Variants in L3MBTL4 observed in about 807,000 individuals in gnomAD.
L3MBTL4 encodes the protein L3MBTL histone methyl-lysine binding protein 4, also known as lethal(3)malignant brain tumor-like protein 4.
Under a neutral mutation model 84.5 loss-of-function variants are expected in L3MBTL4, and 70 were observed. The ratio of observed to expected loss-of-function variants is 0.83; its 90% CI spans 0.68 to 1.01. L3MBTL4 has a LOEUF of 1.01. L3MBTL4 is among the 50% of genes least tolerant of loss of function. The pLI is 0.00. For missense variants in L3MBTL4, 715 were observed against 754.8 expected, an observed-to-expected ratio of 0.95 and a Z score of 0.62; for synonymous variants, 274 against 259.8, an observed-to-expected ratio of 1.05 and a Z score of -0.52.
intron 1 of L3MBTL4, among the ~76,000 whole-genome samples, chr18:6,336,325 A>G (rs1331153756): frequency 6.6e-6 from 1 of 152,206 alleles, no homozygotes; most frequent in Non-Finnish European, 1.5e-5. Context: ...ACACAGGTAA[A>G]GGACCATGGC....
At chr18:6,218,247 G>A (rs1323229203) in intron 10 of L3MBTL4, among the ~76,000 whole-genome samples, 1 of 152,160 alleles carries the variant, frequency 6.6e-6, no homozygotes, top group Non-Finnish European at 1.5e-5. Flanking sequence ...CTTCTGAGTA[G>A]CTGGGACTAC....
At chr18:5,965,350 A>G (rs2052295171) in intron 17 of L3MBTL4, among the ~76,000 whole-genome samples, 1 of 152,198 alleles carries the variant, frequency 6.6e-6, no homozygotes, top group Non-Finnish European at 1.5e-5. Flanking sequence ...CCAGGCCAGG[A>G]AGGCAGATAA....
chr18:6,200,319 G>T (rs2045597390), intron 12 of L3MBTL4, among the ~76,000 whole-genome samples: 1 of 152,152 alleles, frequency 6.6e-6, no homozygotes, highest in Non-Finnish European at 1.5e-5. Flanking sequence ...GTCATTGTGG[G>T]CACACGCTGT....
intron 12 of L3MBTL4, among the ~76,000 whole-genome samples, chr18:6,178,398 G>C (rs1374536873): frequency 6.6e-6 from 1 of 152,012 alleles, no homozygotes; most frequent in African/African-American, 2.4e-5. Context: ...TGGATCTGTG[G>C]AATAAAAATC....
At chr18:6,311,433 G>A (rs2050824785) in intron 3 of L3MBTL4, 121 bp downstream of exon 3, 2 of 739,922 alleles carry the variant, frequency 2.7e-6, no homozygotes, top group Non-Finnish European at 4.8e-6. Context: ...TCAAGCAGAA[G>A]CCACATCGTT....
Position 6,414,895 on chromosome 18 carries a change from G to T in L3MBTL4, c.-185C>A, listed in dbSNP as rs1365263548. The stretch of plus-strand genomic sequence containing the variant: ...TTCCGCCAGCCCAGGCTGCGGCGCC[G>T]CTGCCCCGCGGTGCCCGGCGGGAGG... On this transcript the variant is annotated 5_prime_UTR_variant, in exon 1 of 19. Transcript: ENST00000317931. The surrounding 1 kb of genome is among the most constrained non-coding windows in gnomAD (Gnocchi z 5.4). 1 of 149,266 alleles carries T rather than the reference G, an allele frequency of 6.7e-6. No individual in the cohort carries two copies. The highest frequency in any genetic ancestry group is 1.5e-5 in the Non-Finnish European group (1 of 66,998). 9.2% of individuals were successfully genotyped at this position (149,266 alleles called of 1,614,324 possible).
intron 16 of L3MBTL4, among the ~76,000 whole-genome samples, chr18:5,992,780 A>G (rs993162087): frequency 6.6e-6 from 1 of 152,186 alleles, no homozygotes; most frequent in Non-Finnish European, 1.5e-5. Context: ...GCCTTCCGCC[A>G]TGAGTAAAAG....
intron 16 of L3MBTL4, chr18:6,030,249 G>A: frequency 2.1e-6 from 2 of 962,312 alleles, no homozygotes; most frequent in Non-Finnish European, 2.5e-6. Context: ...CAGGTTCAGG[G>A]AGAGATACCC....
At position 6,244,603 on chromosome 18, in the gene L3MBTL4, G is replaced by C. The variant is rs552627085; in HGVS notation, c.220-15C>G. ...AAGGACTGATCCTACAAAATTTCAC[G>C]ACATAACATTAGCCACTGAGATTTC... On this transcript the variant is annotated splice_polypyrimidine_tract_variant and intron_variant, in intron 5 of 18. Transcript: ENST00000317931. The C allele has an allele frequency of 6.5e-7, 1 of 1,534,238 alleles. No individual in the cohort carries two copies. Among genetic ancestry groups the C allele is most frequent in the African/African-American group, 1.4e-5 (1 of 73,236 alleles).
chr18:6,252,320 A>C (rs1430826047), intron 5 of L3MBTL4, among the ~76,000 whole-genome samples: 4 of 152,206 alleles, frequency 2.6e-5, no homozygotes, highest in African/African-American at 4.8e-5. Flanking sequence ...CTCAGAAAAA[A>C]GAAAAAAGCA....
intron 13 of L3MBTL4, among the ~76,000 whole-genome samples, chr18:6,141,016 T>C (rs868189591): frequency 1.2e-4 from 18 of 151,010 alleles, no homozygotes; most frequent in South Asian, 4.2e-4. Flanking sequence ...TTCTAGACTA[T>C]GAGTGCCTCT....
chr18:6,360,075 T>A (rs1243810505), intron 1 of L3MBTL4, among the ~76,000 whole-genome samples: 2 of 152,214 alleles, frequency 1.3e-5, no homozygotes, highest in African/African-American at 4.8e-5. Flanking sequence ...AGGAGAATGT[T>A]AAAGCCAGTT....
chr18:6,231,362 C>T (rs1395972777), intron 10 of L3MBTL4, among the ~76,000 whole-genome samples: 3 of 151,964 alleles, frequency 2.0e-5, no homozygotes, highest in Non-Finnish European at 4.4e-5. Flanking sequence ...TTGTTTTTGC[C>T]TACTTATCAA....
At position 6,115,550 on chromosome 18, in the gene L3MBTL4, A is replaced by G. The variant is rs1434399794; in HGVS notation, c.1200-22022T>C. On this transcript the variant is annotated intron_variant, in intron 14 of 18. Coordinates refer to ENST00000317931, the MANE Select transcript of L3MBTL4 (RefSeq NM_001330559.2). ...CAGCTTTGAATATGAGAAGCCAGCA[A>G]CTACCTACAAGGCGATGCTCATTGG... Among the ~76,000 whole-genome samples the G allele has an allele frequency of 5.9e-5, 9 of 152,314 alleles. No individual in the cohort carries two copies. In the South Asian group the frequency reaches 1.0e-3, roughly 18 times the overall value.
At chr18:5,992,059 C>T (rs918633078) in intron 16 of L3MBTL4, among the ~76,000 whole-genome samples, 1 of 152,142 alleles carries the variant, frequency 6.6e-6, no homozygotes, top group East Asian at 1.9e-4. Context: ...GTTCTTGGGA[C>T]ACAAAGATGA....
chr18:6,029,745 TTAAC>T, intron 16 of L3MBTL4: 2 of 985,098 alleles, frequency 2.0e-6, no homozygotes, highest in Non-Finnish European at 1.2e-6. Flanking sequence ...AATCCAAAAA[TTAAC>T]CAACTGGAAT....
chr18:6,066,465 C>T (rs2057402041), intron 16 of L3MBTL4, among the ~76,000 whole-genome samples: 1 of 152,086 alleles, frequency 6.6e-6, no homozygotes, highest in African/African-American at 2.4e-5. Context: ...AAGTGCCCCA[C>T]TATTAGTGTG....
chr18:6,096,189 C>CCCT (rs2058638634), intron 14 of L3MBTL4, among the ~76,000 whole-genome samples: 1 of 152,104 alleles, frequency 6.6e-6, no homozygotes, highest in African/African-American at 2.4e-5. Flanking sequence ...TACCACAGAC[C>CCCT]CCTCCACAGT....
chr18:6,107,664 C>T (rs149549993), intron 14 of L3MBTL4, among the ~76,000 whole-genome samples: 3 of 152,254 alleles, frequency 2.0e-5, no homozygotes, highest in Non-Finnish European at 2.9e-5. Flanking sequence ...AGATAATAAA[C>T]GTTGTTACTA....
Sources: allele counts gnomAD v4.1 joint callset (sites outside exome capture counted in the v4.1 genomes callset), GRCh38; gene constraint gnomAD v4.1.1; non-coding constraint Gnocchi (gnomAD v3.1); transcripts MANE v1.5; gene names NCBI Gene and HGNC (gene_info 2026-07-23, HGNC 2026-07-21).